The following EBI3 variants were observed in gnomAD, a reference collection of about 807,000 sequenced individuals.
EBI3 encodes the protein Epstein-Barr virus induced 3, also known as interleukin-27 subunit beta.
A neutral mutation model predicts 21.3 loss-of-function variants in EBI3; 19 were observed. The ratio of observed to expected loss-of-function variants is 0.89; its 90% CI spans 0.62 to 1.31. EBI3 has a LOEUF of 1.31. Among genes scored for constraint, EBI3 ranks in the 50% most tolerant of loss-of-function variants. EBI3 has a pLI of 0.00. For missense variants in EBI3, 331 were observed against 314.0 expected (o/e 1.05, Z -0.41); for synonymous variants, 154 against 131.2 (o/e 1.17, Z -1.19).
At position 4,229,573 on chromosome 19, in the gene EBI3, C is replaced by T. The variant is rs747500429; in HGVS notation, c.23C>T (p.Ala8Val). The change falls in exon 1 of 5, where the codon GCC (alanine) becomes GTC (valine). Residue 8 changes from alanine (A) to valine (V), a missense_variant. Transcript: ENST00000221847. Reference sequence around the variant, plus strand: ...GCCATGACCCCGCAGCTTCTCCTGGCCCTTGTCCTCTGGGCCAGCTGCCCG... The same window carrying T: ...GCCATGACCCCGCAGCTTCTCCTGGTCCTTGTCCTCTGGGCCAGCTGCCCG... Reference protein sequence around the residue: MTPQLLLALVLWASCPPC... With the variant: MTPQLLLVLVLWASCPPC... 4.3e-6 allele frequency: 7 copies of T among 1,611,356 alleles called. No homozygotes were observed. Among genetic ancestry groups the T allele is most frequent in the Non-Finnish European group, 3.4e-6 (4 of 1,179,104 alleles).
rs988837042 is a variant in EBI3, at chr19:4,230,616, G to A, written c.68-575G>A. 2.0e-5 allele frequency among the ~76,000 whole-genome samples: 3 copies of A among 151,772 alleles called. No individual in the cohort carries two copies. The East Asian group carries it at 5.8e-4, about 29-fold the overall frequency. On this transcript the variant is annotated intron_variant, in intron 1 of 4. Transcript: ENST00000221847. ...AATAATTTATAGGCTGGGTTTGGTG[G>A]CTCACGCCTGTAATTCCAGCACTTT...
At chr19:4,232,097 C>T (rs171335) in intron 2 of EBI3, among the ~76,000 whole-genome samples, 3,683 of 149,914 alleles carry the variant, frequency 0.025, 154 homozygotes, top group African/African-American at 0.086. Flanking sequence ...TGATGGCACG[C>T]GCCTGTAGTC....
At chr19:4,230,678 G>A (rs1187758406) in intron 1 of EBI3, among the ~76,000 whole-genome samples, 1 of 151,680 alleles carries the variant, frequency 6.6e-6, no homozygotes, top group Non-Finnish European at 1.5e-5. Flanking sequence ...GAGGTCAGGA[G>A]TTTGAGACCA....
At chr19:4,229,767 G>A in intron 1 of EBI3, 150 bp downstream of exon 1, 1 of 794,370 alleles carries the variant, frequency 1.3e-6, no homozygotes, top group Non-Finnish European at 1.9e-6. Flanking sequence ...TGGAGGAACT[G>A]AGGCACAGAG....
At chr19:4,236,851 C>G in intron 4 of EBI3, 85 bp from the exon 5 acceptor site, 1 of 1,381,050 alleles carries the variant, frequency 7.2e-7, no homozygotes, top group Non-Finnish European at 9.5e-7. Context: ...GCAGGGAGGA[C>G]TGCACGCTCC....
At chr19:4,229,793 T>C (rs560339834) in intron 1 of EBI3, among the ~76,000 whole-genome samples, 176 bp downstream of exon 1, 26 of 152,134 alleles carry the variant, frequency 1.7e-4, no homozygotes, top group African/African-American at 6.3e-4. Flanking sequence ...GAGTGCCACA[T>C]TGGGGGTGGA....
At chr19:4,236,626 A>G (rs1970840805) in intron 4 of EBI3, among the ~76,000 whole-genome samples, 1 of 150,332 alleles carries the variant, frequency 6.7e-6, no homozygotes, top group Admixed American at 6.7e-5. Flanking sequence ...CAGGGAGGAG[A>G]AAGAAGAGGA....
intron 1 of EBI3, 57 bp downstream of exon 1, chr19:4,229,674 C>A: frequency 6.5e-7 from 1 of 1,529,606 alleles, no homozygotes; most frequent in Non-Finnish European, 8.9e-7. Flanking sequence ...GACACGAGGA[C>A]TGGCCTCGGA....
intron 4 of EBI3, 92 bp from the exon 5 acceptor site, chr19:4,236,844 G>T: frequency 7.3e-7 from 1 of 1,362,114 alleles, no homozygotes. Context: ...GCAGGGGGCA[G>T]GGAGGACTGC....
At chr19:4,233,339 G>A (rs1477116774) in intron 3 of EBI3, 32 bp downstream of exon 3, 3 of 1,539,910 alleles carry the variant, frequency 1.9e-6, no homozygotes, top group Middle Eastern at 2.2e-4. Flanking sequence ...GGCGGGGGCG[G>A]GGCTGCCGTC....
rs775807704 is a variant in EBI3 at position 4,237,121 on chromosome 19, G to T, written c.*33G>T. 1 of 1,447,048 alleles carries T rather than the reference G, an allele frequency of 6.9e-7. No individual in the cohort carries two copies. The allele number at this position is 1,447,048 out of a possible 1,614,324, so 89.6% of individuals were successfully genotyped here. A position where few individuals can be genotyped will look rare whatever the true frequency, so the allele number is the denominator to read the frequency against. ...TTCCCGCTGCCTCCAGACAGCACCTGGGTCCTCGCCACCCTAAGCCCCGGG... is the reference window on the plus strand; with the variant it reads ...TTCCCGCTGCCTCCAGACAGCACCTTGGTCCTCGCCACCCTAAGCCCCGGG... On this transcript the variant is annotated 3_prime_UTR_variant, in exon 5 of 5. Transcript: ENST00000221847.
At chr19:4,233,060 G>A (rs1398347234) in intron 2 of EBI3, 69 bp from the exon 3 acceptor site, 28 of 1,416,758 alleles carry the variant, frequency 2.0e-5, no homozygotes, top group Admixed American at 5.7e-5. Context: ...CCCGGGTCAG[G>A]CCCGGCAGTA....
At chr19:4,232,964 C>A in intron 2 of EBI3, 165 bp from the exon 3 acceptor site, 1 of 725,362 alleles carries the variant, frequency 1.4e-6, no homozygotes, top group Non-Finnish European at 2.1e-6. Flanking sequence ...CATGCCCTGC[C>A]CCCGGGGGGT....
In EBI3 at chr19:4,234,731, G is replaced by C; in HGVS notation, c.444G>C (p.Gln148His). 1 of 1,614,180 alleles carries C rather than the reference G, an allele frequency of 6.2e-7. No individual in the cohort carries two copies. Among genetic ancestry groups the C allele is most frequent in the Non-Finnish European group, 8.5e-7 (1 of 1,180,022 alleles). ...SPLAERQLQV[Q>H]WEPPGSWPFP... ...TCGCTGAGCGCCAGCTACAGGTGCA[G>C]TGGGAGCCTCCCGGGTCCTGGCCCT... Residue 148 changes from glutamine to histidine, a missense_variant, in exon 4 of 5, where the codon CAG (glutamine) becomes CAC (histidine). Coordinates refer to ENST00000221847, the MANE Select transcript of EBI3 (RefSeq NM_005755.3).
In EBI3 at chr19:4,234,675, G is replaced by T. The variant is rs762863498; in HGVS notation, c.388G>T (p.Asp130Tyr). The change falls in exon 4 of 5, where the codon GAC becomes TAC. Residue 130 changes from aspartate (D) to tyrosine (Y), a missense_variant. Coordinates refer to ENST00000221847, the MANE Select transcript of EBI3 (RefSeq NM_005755.3). ...TCCTGCTTGTCCGTCAGTCAAGCCC[G>T]ACCCTCCAGAAGGCGTGCGCCTAAG... ...PFITEHIIKP[D>Y]PPEGVRLSPL... 1.2e-6 allele frequency: 2 copies of T among 1,612,706 alleles called. No homozygotes were observed. The highest frequency in any genetic ancestry group is 2.7e-5 in the African/African-American group (2 of 74,930).
chr19:4,235,396 T>C (rs913488386), intron 4 of EBI3, among the ~76,000 whole-genome samples: 2 of 150,664 alleles, frequency 1.3e-5, no homozygotes, highest in Non-Finnish European at 2.9e-5. Context: ...CTTGGCTCGC[T>C]GAAACCTCCG....
chr19:4,230,359 T>A (rs542540281), intron 1 of EBI3, among the ~76,000 whole-genome samples: 1 of 150,560 alleles, frequency 6.6e-6, no homozygotes, highest in Admixed American at 6.6e-5. Flanking sequence ...GGCCAGGAAT[T>A]CGAGACCAGC....
At chr19:4,231,410 A>C (rs1395624823) in intron 2 of EBI3, 87 bp downstream of exon 2, 2 of 1,441,400 alleles carry the variant, frequency 1.4e-6, no homozygotes, top group African/African-American at 2.9e-5. Context: ...GGGTCAGGAA[A>C]ACTGGAGACC....
In EBI3 at chr19:4,233,396, G is replaced by A. The variant is rs1441992919; in HGVS notation, c.379+89G>A. The A allele has an allele frequency of 1.5e-5, 21 of 1,428,790 alleles. No individual in the cohort carries two copies. In the East Asian group the frequency reaches 5.2e-4, roughly 35 times the overall value. The allele number at this position is 1,428,790 out of a possible 1,614,324, so 88.5% of individuals were successfully genotyped here. A position where few individuals can be genotyped will look rare whatever the true frequency, so the allele number is the denominator to read the frequency against. ...CACCTCCCACCTGTCCTCCAGTCCT[G>A]CGGCTGCACCTTCACACTTAAGCAA... On this transcript the variant is annotated intron_variant, in intron 3 of 4. Transcript: ENST00000221847.
Sources: allele counts gnomAD v4.1 joint callset (sites outside exome capture counted in the v4.1 genomes callset), GRCh38; gene constraint gnomAD v4.1.1; transcripts MANE v1.5; gene names NCBI Gene and HGNC (gene_info 2026-07-23, HGNC 2026-07-21).